DLGAP1: variants seen among roughly 807,000 people sequenced by gnomAD.
The protein encoded by DLGAP1 is disks large-associated protein 1.
DLGAP1 carries 11 observed loss-of-function variants against 90.8 expected under a neutral mutation model. The observed-to-expected ratio is 0.12, with a 90% CI of 0.08 to 0.20. The LOEUF is 0.20. Among genes scored for constraint, DLGAP1 ranks in the 10% least tolerant of loss-of-function variants. The probability of loss-of-function intolerance (pLI) is 1.00; values close to 1 mark genes in which losing one functional copy is unlikely to be tolerated. For missense variants in DLGAP1, 1,050 were observed against 1,333.8 expected (o/e 0.79, Z 3.31); for synonymous variants, 558 against 540.7 (o/e 1.03, Z -0.44).
At chr18:4,251,914 G>C (rs1034425807) in intron 1 of DLGAP1, among the ~76,000 whole-genome samples, 3 of 152,142 alleles carry the variant, frequency 2.0e-5, no homozygotes, top group African/African-American at 7.2e-5. Flanking sequence ...TTTATTTTTG[G>C]CAGTGTTGTT....
intron 4 of DLGAP1, among the ~76,000 whole-genome samples, chr18:3,831,216 C>A (rs991017417): frequency 5.9e-5 from 9 of 152,184 alleles, no homozygotes; most frequent in African/African-American, 1.2e-4. Context: ...GCAGGGTCAA[C>A]TGAACTCTAC....
chr18:4,215,381 C>T (rs2077931798), intron 1 of DLGAP1, among the ~76,000 whole-genome samples: 1 of 152,102 alleles, frequency 6.6e-6, no homozygotes, highest in South Asian at 2.1e-4. Context: ...ACACAAATTC[C>T]AAGATTTTCA....
At chr18:4,250,273 T>C in intron 1 of DLGAP1, among the ~76,000 whole-genome samples, 1 of 152,190 alleles carries the variant, frequency 6.6e-6, no homozygotes, top group East Asian at 1.9e-4. Context: ...AATATTTAGG[T>C]GAGAGAAGTT....
At chr18:3,536,892 G>T (rs900861028) in intron 9 of DLGAP1, among the ~76,000 whole-genome samples, 1 of 152,194 alleles carries the variant, frequency 6.6e-6, no homozygotes, top group Non-Finnish European at 1.5e-5. Flanking sequence ...TTTCTCAGAT[G>T]AGGGGCAAGG....
chr18:3,927,519 TG>T lies in DLGAP1; in HGVS notation c.-72-47380del, dbSNP rs199970779. ...ATCATAAAGGTGCCATCATGACATA[TG>T]AGCAGAGTAACTGGCTGCAATTTTC... On this transcript the variant is annotated intron_variant, in intron 3 of 12. Transcript: ENST00000315677. Among the ~76,000 whole-genome samples, 12 of 152,372 alleles carry T rather than the reference TG, an allele frequency of 7.9e-5. No homozygotes were observed. The East Asian group carries it at 2.1e-3, about 27-fold the overall frequency.
intron 7 of DLGAP1, among the ~76,000 whole-genome samples, chr18:3,677,208 A>G (rs2060338051): frequency 1.3e-5 from 2 of 152,176 alleles, no homozygotes; most frequent in African/African-American, 2.4e-5. Context: ...CACCAGTTCC[A>G]TTTCTAAATT....
At chr18:4,142,613 T>C (rs1055615931) in intron 2 of DLGAP1, among the ~76,000 whole-genome samples, 1 of 152,194 alleles carries the variant, frequency 6.6e-6, no homozygotes, top group Admixed American at 6.5e-5. Context: ...ACATAAAAAG[T>C]ATAGAACGGC....
chr18:3,936,966 C>T (rs530165614), intron 3 of DLGAP1, among the ~76,000 whole-genome samples: 1 of 152,296 alleles, frequency 6.6e-6, no homozygotes, highest in East Asian at 1.9e-4. Context: ...GGCCATGCTC[C>T]TTGGCTCTTA....
intron 1 of DLGAP1, among the ~76,000 whole-genome samples, chr18:4,227,239 C>T (rs750639598): frequency 1.3e-5 from 2 of 151,664 alleles, no homozygotes; most frequent in African/African-American, 4.8e-5. Flanking sequence ...AGAGGTAGAC[C>T]CCTATACATT....
At chr18:3,503,790 T>C (rs1466534333) in intron 11 of DLGAP1, among the ~76,000 whole-genome samples, 1 of 152,244 alleles carries the variant, frequency 6.6e-6, no homozygotes, top group African/African-American at 2.4e-5. Flanking sequence ...ATTATTGGCC[T>C]ACCTCAAAAT....
rs116733699 is a variant in DLGAP1 at position 4,196,862 on chromosome 18, A to T, written c.-266-45575T>A. ...AGAAGCACAATTAAATAAATATTAA[A>T]AGAAAATTAGAAAAATAAAAATAAA... On this transcript the variant is annotated intron_variant, in intron 1 of 12. Coordinates refer to ENST00000315677, the MANE Select transcript of DLGAP1 (RefSeq NM_004746.4). Among the ~76,000 whole-genome samples, 541 of 152,302 alleles carry T rather than the reference A, an allele frequency of 3.6e-3. 4 individuals carry two copies. The highest frequency in any genetic ancestry group is 0.012 in the African/African-American group (512 of 41,568).
chr18:4,330,872 T>C (rs2080933242), intron 1 of DLGAP1, among the ~76,000 whole-genome samples: 1 of 151,844 alleles, frequency 6.6e-6, no homozygotes, highest in Admixed American at 6.6e-5. Flanking sequence ...GATAGTTTGT[T>C]CAAGTCTTCT....
intron 7 of DLGAP1, chr18:3,598,434 GGT>G (rs1262226120): frequency 6.6e-6 from 1 of 151,272 alleles, no homozygotes; most frequent in Non-Finnish European, 1.5e-5. Flanking sequence ...AACTTGTCCA[GGT>G]GACCCCAGGG....
intron 1 of DLGAP1, among the ~76,000 whole-genome samples, chr18:4,372,400 C>T (rs79920236): frequency 0.013 from 1,967 of 152,172 alleles, 22 homozygotes; most frequent in African/African-American, 0.028. Context: ...AGTTGAGTGA[C>T]GACATGATGG....
At chr18:3,910,760 G>A (rs2072014979) in intron 3 of DLGAP1, among the ~76,000 whole-genome samples, 1 of 152,000 alleles carries the variant, frequency 6.6e-6, no homozygotes, top group Non-Finnish European at 1.5e-5. Flanking sequence ...TCCTTTCTTG[G>A]ACAAAAATAA....
chr18:3,931,647 A>T (rs111582906), intron 3 of DLGAP1, among the ~76,000 whole-genome samples: 3 of 152,218 alleles, frequency 2.0e-5, no homozygotes, highest in Non-Finnish European at 2.9e-5. Flanking sequence ...GAGTAGGTCA[A>T]GTAGGTCACT....
chr18:3,814,378 T>TTTGAGA, intron 4 of DLGAP1, 105 bp from the exon 5 acceptor site: 4 of 1,050,788 alleles, frequency 3.8e-6, no homozygotes, highest in Non-Finnish European at 5.3e-6. Flanking sequence ...TTTTTTTTTT[T>TTTGAGA]TGAGATGGGG....
chr18:4,100,889 T>C (rs12967702), intron 2 of DLGAP1, among the ~76,000 whole-genome samples: 16,353 of 152,268 alleles, frequency 0.11, 919 homozygotes, highest in Middle Eastern at 0.16. Context: ...TCAGCCTTTA[T>C]AGAATTGAAG....
At chr18:4,010,624 T>C (rs1391348446) in intron 2 of DLGAP1, among the ~76,000 whole-genome samples, 2 of 152,214 alleles carry the variant, frequency 1.3e-5, no homozygotes, top group African/African-American at 4.8e-5. Flanking sequence ...ATAGGAATCA[T>C]ACAACTGTGT....
Sources: gnomAD v4.1 joint callset for allele counts (sites outside exome capture counted in the v4.1 genomes callset) on GRCh38, gnomAD v4.1.1 for gene constraint, MANE v1.5 for transcripts, NCBI Gene and HGNC (gene_info 2026-07-23, HGNC 2026-07-21) for gene names.